Variants in SNX24 observed in about 807,000 individuals in gnomAD.
The protein encoded by SNX24 is sorting nexin 24.
In SNX24, 22 loss-of-function variants were observed where a neutral mutation model predicts 28.7. That is an observed-to-expected ratio of 0.77 (90% CI 0.55 to 1.10). The LOEUF (loss-of-function observed/expected upper bound fraction) is 1.10. Among genes scored for constraint, SNX24 ranks in the 50% least tolerant of loss-of-function variants. The probability of loss-of-function intolerance (pLI) is 0.00; values close to 1 mark genes in which losing one functional copy is unlikely to be tolerated. For missense variants in SNX24, 221 were observed against 201.1 expected (o/e 1.10, Z -0.60); for synonymous variants, 69 against 71.5 (o/e 0.96, Z 0.18).
At chr5:122,890,866 G>A (rs747916857) in intron 1 of SNX24, among the ~76,000 whole-genome samples, 2 of 152,096 alleles carry the variant, frequency 1.3e-5, no homozygotes, top group South Asian at 4.1e-4. Context: ...GAGCAATAAC[G>A]TTAACTGTAA....
chr5:122,874,783 G>A (rs1581694076), intron 1 of SNX24, among the ~76,000 whole-genome samples: 2 of 152,260 alleles, frequency 1.3e-5, no homozygotes, highest in East Asian at 1.9e-4. Context: ...GCCCTACCAC[G>A]GGCTAACCAT....
At chr5:122,911,394 GA>G (rs1197664604) in intron 1 of SNX24, among the ~76,000 whole-genome samples, 2 of 152,140 alleles carry the variant, frequency 1.3e-5, no homozygotes, top group African/African-American at 4.8e-5. Flanking sequence ...AGTAGGTTGT[GA>G]AAATTTTCTT....
At chr5:123,026,832 G>T (rs1005665363) in intron 5 of SNX24, among the ~76,000 whole-genome samples, 4 of 152,220 alleles carry the variant, frequency 2.6e-5, no homozygotes, top group Admixed American at 2.0e-4. Flanking sequence ...GGTCTACCAG[G>T]CCCACCTCCC....
At chr5:122,869,481 G>A (rs1755880249) in intron 1 of SNX24, among the ~76,000 whole-genome samples, 1 of 152,212 alleles carries the variant, frequency 6.6e-6, no homozygotes, top group Non-Finnish European at 1.5e-5. Context: ...ACAGGTCAAG[G>A]TGACATGCAT....
At chr5:122,909,448 G>T (rs1328423633) in intron 1 of SNX24, among the ~76,000 whole-genome samples, 1 of 152,180 alleles carries the variant, frequency 6.6e-6, no homozygotes, top group Non-Finnish European at 1.5e-5. Flanking sequence ...CCAGTATGTG[G>T]GAAAGCTGGA....
At chr5:122,917,255 CA>C (rs57417496) in intron 1 of SNX24, among the ~76,000 whole-genome samples, 3,846 of 79,608 alleles carry the variant, frequency 0.048, 117 homozygotes, top group African/African-American at 0.12. Flanking sequence ...GACTTCATCT[CA>C]AAAAAAAAAA....
intron 3 of SNX24, among the ~76,000 whole-genome samples, chr5:122,957,680 TG>T: frequency 6.6e-6 from 1 of 152,346 alleles, no homozygotes; most frequent in Admixed American, 6.5e-5. Flanking sequence ...TACATTTATT[TG>T]TGTCTTCTTT....
rs936485769 is a variant in SNX24, at chr5:123,003,205, G to A, written c.442+1201G>A. Among the ~76,000 whole-genome samples, 7 of 152,270 alleles carry A rather than the reference G, an allele frequency of 4.6e-5. No individual in the cohort carries two copies. The East Asian group carries it at 5.8e-4, about 13-fold the overall frequency. Reference sequence around the variant, plus strand: ...CAGTTTGAAGAAGGGTGGCCAGGACGCAGCCCTGCTCCTCCCTAGGAAGGG... The same window carrying A: ...CAGTTTGAAGAAGGGTGGCCAGGACACAGCCCTGCTCCTCCCTAGGAAGGG... On this transcript the variant is annotated intron_variant, in intron 6 of 6. Coordinates refer to ENST00000261369, the MANE Select transcript of SNX24 (RefSeq NM_014035.4).
At chr5:122,876,137 G>A (rs535294258) in intron 1 of SNX24, among the ~76,000 whole-genome samples, 13 of 152,320 alleles carry the variant, frequency 8.5e-5, no homozygotes, top group African/African-American at 1.4e-4. Flanking sequence ...GAGTCACAGC[G>A]CCTGGCCCCA....
intron 1 of SNX24, among the ~76,000 whole-genome samples, chr5:122,885,371 A>C (rs1267257786): frequency 6.6e-6 from 1 of 152,170 alleles, no homozygotes; most frequent in East Asian, 1.9e-4. Context: ...TCAATGCCCC[A>C]GGCCCCTCCT....
chr5:123,013,432 T>A (rs1323838427), downstream of SNX24, among the ~76,000 whole-genome samples: 1 of 152,220 alleles, frequency 6.6e-6, no homozygotes, highest in African/African-American at 2.4e-5. Flanking sequence ...TGATGATAAT[T>A]ACAGATTTTG....
chr5:122,914,752 T>C (rs1335935238), intron 1 of SNX24, among the ~76,000 whole-genome samples: 6 of 152,044 alleles, frequency 3.9e-5, no homozygotes, highest in African/African-American at 1.2e-4. Flanking sequence ...ATCCCCTTTA[T>C]CATTTTTTAT....
chr5:122,893,052 C>T (rs1033249462), intron 1 of SNX24, among the ~76,000 whole-genome samples: 4 of 152,090 alleles, frequency 2.6e-5, no homozygotes, highest in African/African-American at 4.8e-5. Flanking sequence ...AGGCATGAGC[C>T]GCTGCACTCG....
intron 1 of SNX24, among the ~76,000 whole-genome samples, chr5:122,908,933 C>T (rs1000250196): frequency 3.9e-5 from 6 of 152,134 alleles, no homozygotes; most frequent in Admixed American, 6.5e-5. Context: ...AAGGACCTTA[C>T]GGTGAGCACT....
rs1408426015 is a variant in SNX24, at chr5:122,891,184, AAGT to A, written c.60+45495_60+45497del. ...TTTTTTGTTTTTTGTTTTTTTTCCT[AAGT>A]AGTTTATTTTTCTGGTTGAAATGGT... On this transcript the variant is annotated intron_variant, in intron 1 of 6. Coordinates refer to ENST00000261369, the MANE Select transcript of SNX24 (RefSeq NM_014035.4). 8 of 1,356,572 alleles carry A rather than the reference AAGT, an allele frequency of 5.9e-6. No homozygotes were observed. The African/African-American group carries it at 1.2e-4, about 20-fold the overall frequency. 84.0% of individuals were successfully genotyped at this position (1,356,572 alleles called of 1,614,324 possible).
intron 1 of SNX24, among the ~76,000 whole-genome samples, chr5:122,858,154 A>G (rs77041550): frequency 0.024 from 3,611 of 152,334 alleles, 63 homozygotes; most frequent in Non-Finnish European, 0.04. Flanking sequence ...TGAGTTTGCC[A>G]TCTTTTTATG....
At chr5:122,979,287 C>A (rs1260203762) in intron 3 of SNX24, among the ~76,000 whole-genome samples, 1 of 152,190 alleles carries the variant, frequency 6.6e-6, no homozygotes, top group African/African-American at 2.4e-5. Context: ...ATAAAATAAC[C>A]TTTCAATAAG....
At chr5:122,936,430 T>C (rs1759180161) in intron 1 of SNX24, among the ~76,000 whole-genome samples, 1 of 152,182 alleles carries the variant, frequency 6.6e-6, no homozygotes, top group Admixed American at 6.5e-5. Flanking sequence ...CATATTCACT[T>C]GGTGAAATCA....
chr5:122,993,330 G>C (rs1761932858), intron 3 of SNX24, among the ~76,000 whole-genome samples: 1 of 124,690 alleles, frequency 8.0e-6, no homozygotes, highest in Admixed American at 9.3e-5. Flanking sequence ...ACAGAGTCTT[G>C]CTCTGTTGCC....
Sources: gnomAD v4.1 joint callset for allele counts (sites outside exome capture counted in the v4.1 genomes callset) on GRCh38, gnomAD v4.1.1 for gene constraint, MANE v1.5 for transcripts, NCBI Gene and HGNC (gene_info 2026-07-23, HGNC 2026-07-21) for gene names.